NIN: variants seen among roughly 807,000 people sequenced by gnomAD.
NIN encodes the protein glycogen synthase kinase 3 beta-interacting protein.
Under a neutral mutation model 257.6 loss-of-function variants are expected in NIN, and 137 were observed. The observed-to-expected ratio is 0.53, with a 90% CI of 0.46 to 0.61. NIN has a LOEUF of 0.61. Ranked by LOEUF, NIN falls within the 20% of genes least tolerant of loss-of-function variation. The pLI is 0.00. For missense variants in NIN, 2,439 were observed against 2,501.2 expected (o/e 0.98, Z 0.53); for synonymous variants, 918 against 919.8 (o/e 1.00, Z 0.04).
chr14:50,733,459 G>T (rs1432231803), intron 28 of NIN, among the ~76,000 whole-genome samples: 2 of 152,068 alleles, frequency 1.3e-5, no homozygotes, highest in Admixed American at 1.3e-4. Context: ...TCTTTTCAGT[G>T]TTCAAATAGA....
At chr14:50,738,074 G>C (rs2041086474) in intron 27 of NIN, 66 bp downstream of exon 27, 1 of 1,510,440 alleles carries the variant, frequency 6.6e-7, no homozygotes, top group Non-Finnish European at 9.0e-7. Flanking sequence ...CACCTGAGAA[G>C]AAACACACTT....
At chr14:50,825,271 G>A (rs992019289) in intron 2 of NIN, among the ~76,000 whole-genome samples, 2 of 152,220 alleles carry the variant, frequency 1.3e-5, no homozygotes, top group African/African-American at 4.8e-5. Context: ...GATGTGAAAT[G>A]CTATAGAACA....
At chr14:50,804,064 T>G (rs2044215834) in intron 4 of NIN, among the ~76,000 whole-genome samples, 1 of 151,986 alleles carries the variant, frequency 6.6e-6, no homozygotes, top group Admixed American at 6.6e-5. Context: ...CCTGGCTAAT[T>G]TTTTGTATTG....
At chr14:50,740,817 A>C (rs921774698) in intron 25 of NIN, among the ~76,000 whole-genome samples, 3 of 152,246 alleles carry the variant, frequency 2.0e-5, no homozygotes, top group African/African-American at 7.2e-5. Flanking sequence ...AGTTTCACCA[A>C]GAGATAACTG....
intron 27 of NIN, among the ~76,000 whole-genome samples, chr14:50,736,092 TA>T (rs1261175498): frequency 1.3e-5 from 2 of 152,170 alleles, no homozygotes; most frequent in Non-Finnish European, 2.9e-5. Flanking sequence ...TGAGAGTACA[TA>T]AAACCTGATT....
At chr14:50,823,225 T>C in intron 2 of NIN, 1 of 574,636 alleles carries the variant, frequency 1.7e-6, no homozygotes. Flanking sequence ...GCCTGAAACC[T>C]GCACATCTGA....
At chr14:50,802,158 T>C (rs905753649) in intron 4 of NIN, among the ~76,000 whole-genome samples, 1 of 152,216 alleles carries the variant, frequency 6.6e-6, no homozygotes, top group Non-Finnish European at 1.5e-5. Context: ...AATTAGATTG[T>C]ACACATAGAT....
intron 3 of NIN, among the ~76,000 whole-genome samples, chr14:50,815,131 C>T (rs1335751127): frequency 2.0e-5 from 3 of 152,064 alleles, no homozygotes; most frequent in Non-Finnish European, 4.4e-5. Context: ...AAAATTTTTG[C>T]AATCTATCCA....
At chr14:50,741,547 A>ATAAC (rs750633375) in intron 25 of NIN, 35 bp downstream of exon 25, 1 of 1,598,302 alleles carries the variant, frequency 6.3e-7, no homozygotes, top group South Asian at 1.1e-5. Context: ...TTTACTGTAA[A>ATAAC]TAACTTATAC....
chr14:50,744,350 CG>C lies in NIN; in HGVS notation c.5079del (p.Asp1694IlefsTer13). 6.2e-7 allele frequency: 1 copy of C among 1,613,924 alleles called. No homozygotes were observed. The highest frequency in any genetic ancestry group is 8.5e-7 in the Non-Finnish European group (1 of 1,179,916). Reference sequence around the variant, plus strand: ...ATTTTTTGCTGGAAGTCAGAGAGATCGGGACATCTGTGCAGCTGTAAGAGAT... The same window carrying C: ...ATTTTTTGCTGGAAGTCAGAGAGATCGGACATCTGTGCAGCTGTAAGAGAT... ...LEKMKQLHRC[P>X]DLSDFQQKIS... On this transcript the variant is annotated frameshift_variant, in exon 23 of 31. Transcript: ENST00000530997. LOFTEE classifies it high-confidence loss of function.
At chr14:50,828,236 C>T (rs1180714973) in intron 2 of NIN, among the ~76,000 whole-genome samples, 2 of 152,124 alleles carry the variant, frequency 1.3e-5, no homozygotes, top group East Asian at 1.9e-4. Context: ...TCTCTTCTCA[C>T]GTCTATGAAC....
At chr14:50,808,833 T>C (rs2044451386) in intron 3 of NIN, among the ~76,000 whole-genome samples, 1 of 152,234 alleles carries the variant, frequency 6.6e-6, no homozygotes, top group Admixed American at 6.5e-5. Flanking sequence ...ATCAAGAATG[T>C]CCTGGGACTG....
At chr14:50,793,739 A>T (rs149978432) in intron 4 of NIN, among the ~76,000 whole-genome samples, 8 of 151,934 alleles carry the variant, frequency 5.3e-5, no homozygotes, top group Non-Finnish European at 8.8e-5. Flanking sequence ...CACCACCACC[A>T]CCACCTCCAC....
At chr14:50,811,469 T>A (rs957654670) in intron 3 of NIN, among the ~76,000 whole-genome samples, 1 of 144,976 alleles carries the variant, frequency 6.9e-6, no homozygotes, top group African/African-American at 2.5e-5. Flanking sequence ...TTTGAAATGA[T>A]CAAGAACAAT....
rs559456405 is a variant in NIN, at chr14:50,816,251, G to T, written c.183+5623C>A. Among the ~76,000 whole-genome samples the T allele has an allele frequency of 4.6e-5, 7 of 152,240 alleles. No homozygotes were observed. In the East Asian group the frequency reaches 1.4e-3, roughly 29 times the overall value. On this transcript the variant is annotated intron_variant, in intron 3 of 30. Coordinates refer to ENST00000530997, the MANE Select transcript of NIN (RefSeq NM_020921.4). ...GAGAGCATCAGGAAAAATTGCTAAT[G>T]GATGCCAGGCTTAATACCTAGGTGA... is the stretch of plus-strand genomic sequence containing the variant.
chr14:50,826,477 CT>C (rs1169914770), intron 2 of NIN, among the ~76,000 whole-genome samples: 1 of 152,200 alleles, frequency 6.6e-6, no homozygotes, highest in Non-Finnish European at 1.5e-5. Flanking sequence ...CAAAATAAGG[CT>C]GCCAAAATGC....
intron 25 of NIN, among the ~76,000 whole-genome samples, chr14:50,740,192 C>CTT (rs34661828): frequency 0.017 from 2,438 of 147,038 alleles, 57 homozygotes; most frequent in African/African-American, 0.051. Flanking sequence ...AAAATGGAAA[C>CTT]TTTTTTTTTT....
At chr14:50,744,830 AG>A (rs1207100777) in intron 22 of NIN, among the ~76,000 whole-genome samples, 3 of 152,132 alleles carry the variant, frequency 2.0e-5, no homozygotes. Context: ...GCTACTCAGG[AG>A]GCTGAGGCAG....
intron 15 of NIN, among the ~76,000 whole-genome samples, chr14:50,762,608 A>G (rs2042317075): frequency 2.0e-5 from 3 of 152,132 alleles, no homozygotes; most frequent in Admixed American, 2.0e-4. Flanking sequence ...GAAATTCTTA[A>G]CTCATGCATG....
Sources: allele counts gnomAD v4.1 joint callset (sites outside exome capture counted in the v4.1 genomes callset), GRCh38; gene constraint gnomAD v4.1.1; transcripts MANE v1.5; gene names NCBI Gene and HGNC (gene_info 2026-07-23, HGNC 2026-07-21).